Variants in MAST4 observed in about 807,000 individuals in gnomAD.
The protein encoded by MAST4 is microtubule-associated serine/threonine-protein kinase 4.
In MAST4, 89 loss-of-function variants were observed where a neutral mutation model predicts 162.7. The ratio of observed to expected loss-of-function variants is 0.55; its 90% CI spans 0.46 to 0.65. The LOEUF is 0.65. Ranked by LOEUF, MAST4 falls within the 30% of genes least tolerant of loss-of-function variation. The probability of loss-of-function intolerance (pLI) is 0.00; values close to 1 mark genes in which losing one functional copy is unlikely to be tolerated. For synonymous variants in MAST4, 1,479 were observed against 1,361.1 expected, an observed-to-expected ratio of 1.09 and a Z score of -1.91; for missense variants, 3,153 against 3,374.0, an observed-to-expected ratio of 0.93 and a Z score of 1.62.
chr5:66,967,426 AC>A (rs1218663580), intron 4 of MAST4, among the ~76,000 whole-genome samples: 3 of 152,284 alleles, frequency 2.0e-5, no homozygotes, highest in East Asian at 3.9e-4. Flanking sequence ...AATAGGACTT[AC>A]GTTTTGTTTA....
intron 1 of MAST4, among the ~76,000 whole-genome samples, chr5:66,705,309 A>G (rs944603718): frequency 5.3e-5 from 8 of 152,222 alleles, no homozygotes; most frequent in African/African-American, 1.4e-4. Flanking sequence ...GTTTAGAATG[A>G]TAACACCAGA....
intron 3 of MAST4, among the ~76,000 whole-genome samples, chr5:66,895,141 G>T (rs757520642): frequency 1.3e-5 from 2 of 152,156 alleles, no homozygotes; most frequent in Non-Finnish European, 2.9e-5. Flanking sequence ...ATTGCCTTCA[G>T]GGGTGCGAGT....
chr5:67,160,373 AT>A, intron 26 of MAST4, 82 bp from the exon 27 acceptor site: 1 of 1,339,222 alleles, frequency 7.5e-7, no homozygotes, highest in South Asian at 1.8e-5. Context: ...TTCTATTTGT[AT>A]TTGTCTATGA....
At chr5:66,927,195 G>C (rs1209672762) in intron 4 of MAST4, among the ~76,000 whole-genome samples, 1 of 152,200 alleles carries the variant, frequency 6.6e-6, no homozygotes, top group Non-Finnish European at 1.5e-5. Flanking sequence ...CAAGGAAAGA[G>C]AGATGTTATG....
intron 1 of MAST4, 131 bp from the exon 2 acceptor site, chr5:66,759,578 A>T: frequency 8.7e-7 from 1 of 1,148,894 alleles, no homozygotes; most frequent in South Asian, 1.9e-5. Context: ...AACGTAGCAA[A>T]ATTGAACACA....
chr5:66,743,619 C>A (rs1463148495), intron 1 of MAST4, among the ~76,000 whole-genome samples: 1 of 151,996 alleles, frequency 6.6e-6, no homozygotes, highest in East Asian at 1.9e-4. Flanking sequence ...CAGGGTGGCC[C>A]CCAGACCTGG....
rs894634287 is a variant in MAST4, at chr5:67,167,399, C to T, written c.*348C>T. Reference sequence around the variant, plus strand: ...GTCTATACCTGGCTGCTGATTGCGTCGTTTACTACAGCTTTTTTTAAATAA... The same window carrying T: ...GTCTATACCTGGCTGCTGATTGCGTTGTTTACTACAGCTTTTTTTAAATAA... On this transcript the variant is annotated 3_prime_UTR_variant, in exon 29 of 29. Coordinates refer to ENST00000403625, the MANE Select transcript of MAST4 (RefSeq NM_001164664.2). The T allele has an allele frequency of 2.6e-5, 5 of 188,812 alleles. No individual in the cohort carries two copies. The highest frequency in any genetic ancestry group is 1.2e-4 in the East Asian group (1 of 8,110). The allele number at this position is 188,812 out of a possible 1,614,324, so 11.7% of individuals were successfully genotyped here.
Position 67,166,853 on chromosome 5 carries a change from G to A in MAST4, c.7674G>A (p.Gly2558=), listed in dbSNP as rs2151147305. The change falls in exon 29 of 29, where the codon GGG becomes GGA. Residue 2558 remains glycine, a synonymous_variant. Transcript: ENST00000403625. ...CTCTCTCGGTGACTGCCACCGTAGG[G>A]GAAACCAAAGGGAAGGACCCTGCCC... ...DRALSVTATV[G]ETKGKDPAPA... 1.2e-6 allele frequency: 2 copies of A among 1,606,088 alleles called. No homozygotes were observed. The highest frequency in any genetic ancestry group is 1.7e-6 in the Non-Finnish European group (2 of 1,176,778).
chr5:66,812,577 C>T (rs1297854642), intron 3 of MAST4, among the ~76,000 whole-genome samples: 1 of 152,174 alleles, frequency 6.6e-6, no homozygotes, highest in Non-Finnish European at 1.5e-5. Context: ...ATAGCGTAAT[C>T]TACAAAGCGG....
intron 4 of MAST4, among the ~76,000 whole-genome samples, chr5:67,011,804 A>C (rs566008610): frequency 6.6e-6 from 1 of 152,330 alleles, no homozygotes; most frequent in South Asian, 2.1e-4. Flanking sequence ...GAGATCACAG[A>C]CTGTTTTGCC....
chr5:67,012,809 A>C (rs1752848716), intron 4 of MAST4, among the ~76,000 whole-genome samples: 1 of 152,238 alleles, frequency 6.6e-6, no homozygotes, highest in Admixed American at 6.5e-5. Flanking sequence ...AAACCTTATT[A>C]ATACAATAAA....
intron 1 of MAST4, among the ~76,000 whole-genome samples, chr5:66,712,179 C>T (rs1186780664): frequency 6.6e-6 from 1 of 152,214 alleles, no homozygotes; most frequent in Non-Finnish European, 1.5e-5. Context: ...CTAGTGTGTA[C>T]ATACACAATG....
At position 67,166,897 on chromosome 5, in the gene MAST4, C is replaced by T. The variant is rs762514585; in HGVS notation, c.7718C>T (p.Ala2573Val). The T allele has an allele frequency of 6.2e-6, 10 of 1,610,936 alleles. No homozygotes were observed. The African/African-American group carries it at 1.1e-4, about 17-fold the overall frequency. Residue 2573 changes from alanine to valine, a missense_variant, in exon 29 of 29, where the codon GCT becomes GTT. Around this residue, in one of 7 missense-constraint regions of MAST4, gnomAD observed 1,644 missense variants for 1,495.0 expected, o/e 1.10. Transcript: ENST00000403625. Reference sequence around the variant, plus strand: ...CCTGCCCCAGCCCAGCCTCCCCCAGCTAGGAAACAGAACGTGGGCAGAGAC... The same window carrying T: ...CCTGCCCCAGCCCAGCCTCCCCCAGTTAGGAAACAGAACGTGGGCAGAGAC... ...KDPAPAQPPP[A>V]RKQNVGRDVT...
intron 4 of MAST4, among the ~76,000 whole-genome samples, chr5:66,975,818 A>C (rs1039627627): frequency 1.2e-4 from 18 of 151,862 alleles, no homozygotes; most frequent in Admixed American, 6.6e-5. Flanking sequence ...ATATGGTGAA[A>C]CCCCCTTCTC....
At chr5:66,750,360 A>T (rs1045919994) in intron 1 of MAST4, among the ~76,000 whole-genome samples, 16 of 152,178 alleles carry the variant, frequency 1.1e-4, no homozygotes, top group African/African-American at 3.6e-4. Context: ...GGAAACGGTG[A>T]TTTCTGCATT....
At chr5:66,891,095 T>G (rs1762333984) in intron 3 of MAST4, among the ~76,000 whole-genome samples, 1 of 152,234 alleles carries the variant, frequency 6.6e-6, no homozygotes, top group Non-Finnish European at 1.5e-5. Flanking sequence ...ATATTCCTGC[T>G]CATCAGGGAC....
intron 1 of MAST4, among the ~76,000 whole-genome samples, chr5:66,718,428 C>T (rs1163217002): frequency 6.6e-6 from 1 of 151,938 alleles, no homozygotes; most frequent in Non-Finnish European, 1.5e-5. Context: ...CCCATGAGTG[C>T]CTGGGCCAGT....
At chr5:66,671,258 C>T (rs1747593062) in intron 1 of MAST4, among the ~76,000 whole-genome samples, 1 of 152,162 alleles carries the variant, frequency 6.6e-6, no homozygotes, top group African/African-American at 2.4e-5. Context: ...TGCTCTAGGA[C>T]ATTATCGAGG....
intron 4 of MAST4, chr5:66,916,932 A>T: frequency 1.4e-6 from 1 of 715,858 alleles, no homozygotes; most frequent in Non-Finnish European, 2.6e-6. Context: ...TGCTGCAATA[A>T]ACAATTTTTT....
Sources: gnomAD v4.1 joint callset for allele counts (sites outside exome capture counted in the v4.1 genomes callset) on GRCh38, gnomAD v4.1.1 for gene constraint, gnomAD v4.1.1 regional missense constraint, MANE v1.5 for transcripts, NCBI Gene and HGNC (gene_info 2026-07-23, HGNC 2026-07-21) for gene names.